ZDHHC3: variants seen among roughly 807,000 people sequenced by gnomAD.
The protein encoded by ZDHHC3 is zDHHC palmitoyltransferase 3, also known as palmitoyltransferase ZDHHC3.
In ZDHHC3, 9 loss-of-function variants were observed where a neutral mutation model predicts 30.6. The observed-to-expected ratio is 0.29, with a 90% CI of 0.18 to 0.51. ZDHHC3 has a LOEUF of 0.51. ZDHHC3 is among the 20% of genes least tolerant of loss of function. The probability of loss-of-function intolerance (pLI) is 0.97; values close to 1 mark genes in which losing one functional copy is unlikely to be tolerated. For synonymous variants in ZDHHC3, 136 were observed against 140.2 expected (o/e 0.97, Z 0.21); for missense variants, 246 against 384.2 (o/e 0.64, Z 3.01).
intron 3 of ZDHHC3, among the ~76,000 whole-genome samples, chr3:44,942,285 GC>G (rs1231589128): frequency 6.6e-6 from 1 of 152,222 alleles, no homozygotes; most frequent in African/African-American, 2.4e-5. Context: ...TGGAGATTCT[GC>G]TTATCCAAAA....
chr3:44,946,849 C>T (rs1575858902), intron 2 of ZDHHC3, among the ~76,000 whole-genome samples: 2 of 152,116 alleles, frequency 1.3e-5, no homozygotes, highest in African/African-American at 2.4e-5. Context: ...CCATGTGGTG[C>T]GCTGAATACC....
chr3:44,918,240 G>C lies in ZDHHC3; in HGVS notation c.*8449C>G, dbSNP rs955257070. ...GCTATAGCATAGCAGTGGCGGGGGG[G>C]GGGGCGGGGTGTCCACGGCATGGGT... On this transcript the variant is annotated 3_prime_UTR_variant, in exon 7 of 7. Coordinates refer to ENST00000424952, the MANE Select transcript of ZDHHC3 (RefSeq NM_001135179.2). 40 of 1,218,062 alleles carry C rather than the reference G, an allele frequency of 3.3e-5. No individual in the cohort carries two copies. The highest frequency in any genetic ancestry group is 6.3e-5 in the African/African-American group (4 of 63,694). 75.5% of individuals were successfully genotyped at this position (1,218,062 alleles called of 1,614,324 possible).
chr3:44,971,773 C>G (rs138742612), intron 1 of ZDHHC3, among the ~76,000 whole-genome samples: 90 of 152,192 alleles, frequency 5.9e-4, no homozygotes, highest in Non-Finnish European at 8.7e-4. Flanking sequence ...CCATGTATTA[C>G]TAGCAATTTT....
Position 44,917,269 on chromosome 3 carries a change from C to CGTA in ZDHHC3, c.*9419_*9420insTAC. 1.3e-5 allele frequency: 2 copies of CGTA among 155,674 alleles called. No individual in the cohort carries two copies. Among genetic ancestry groups the CGTA allele is most frequent in the Admixed American group, 6.1e-5 (1 of 16,350 alleles). 9.6% of individuals were successfully genotyped at this position (155,674 alleles called of 1,614,324 possible). A position where few individuals can be genotyped will look rare whatever the true frequency, so the allele number is the denominator to read the frequency against. On this transcript the variant is annotated 3_prime_UTR_variant, in exon 7 of 7. Transcript: ENST00000424952. ...TGTGTGTAGAGCTTAATGCAGGGTCCTCTTTGAACCATGCCTGGCCCTTGC... is the reference window on the plus strand; with the variant it reads ...TGTGTGTAGAGCTTAATGCAGGGTCCGTATCTTTGAACCATGCCTGGCCCTTGC...
Position 44,920,086 on chromosome 3 carries a change from T to C in ZDHHC3, c.*6603A>G, listed in dbSNP as rs1700485606. ...AGGATTTGTATTTATTTCTGTAGAC[T>C]TCTCACACAATCCAAGTTTTACCAA... On this transcript the variant is annotated 3_prime_UTR_variant, in exon 7 of 7. Coordinates refer to ENST00000424952, the MANE Select transcript of ZDHHC3 (RefSeq NM_001135179.2). 8.3e-7 allele frequency: 1 copy of C among 1,202,814 alleles called. No individual in the cohort carries two copies. Among genetic ancestry groups the C allele is most frequent in the Admixed American group, 3.2e-5 (1 of 31,498 alleles). 74.5% of individuals were successfully genotyped at this position (1,202,814 alleles called of 1,614,324 possible).
intron 3 of ZDHHC3, among the ~76,000 whole-genome samples, chr3:44,940,368 C>T (rs943885471): frequency 2.0e-5 from 3 of 152,206 alleles, no homozygotes; most frequent in Non-Finnish European, 2.9e-5. Flanking sequence ...CCATCTTCCC[C>T]GTTTTGGCTG....
intron 6 of ZDHHC3, among the ~76,000 whole-genome samples, chr3:44,927,515 G>A (rs911472718): frequency 6.6e-6 from 1 of 152,210 alleles, no homozygotes; most frequent in Non-Finnish European, 1.5e-5. Flanking sequence ...GAGGAAGGAG[G>A]AGGGATTAGT....
intron 3 of ZDHHC3, among the ~76,000 whole-genome samples, chr3:44,943,654 A>T (rs920951260): frequency 6.6e-6 from 1 of 152,164 alleles, no homozygotes; most frequent in African/African-American, 2.4e-5. Context: ...ACCCAAACAC[A>T]TACCCTCTGA....
chr3:44,974,461 G>C (rs1041700538), intron 1 of ZDHHC3, among the ~76,000 whole-genome samples: 6 of 152,148 alleles, frequency 3.9e-5, no homozygotes, highest in African/African-American at 1.4e-4. Flanking sequence ...TCCTTTCTGA[G>C]CAATCTCTAG....
intron 6 of ZDHHC3, among the ~76,000 whole-genome samples, chr3:44,927,607 G>A (rs1701108993): frequency 6.6e-6 from 1 of 152,248 alleles, no homozygotes. Flanking sequence ...GGAGAAGCAT[G>A]GCGCAGACCT....
chr3:44,954,235 A>G (rs1703729114), intron 2 of ZDHHC3, among the ~76,000 whole-genome samples: 1 of 152,096 alleles, frequency 6.6e-6, no homozygotes, highest in South Asian at 2.1e-4. Context: ...AGACAGACGA[A>G]TTTTCTTTTC....
chr3:44,955,133 C>G (rs992172146), intron 2 of ZDHHC3, among the ~76,000 whole-genome samples: 10 of 152,214 alleles, frequency 6.6e-5, no homozygotes, highest in Admixed American at 1.3e-4. Flanking sequence ...TGCCTCCAGG[C>G]CAGCCTGCCT....
rs529573918 is a variant in ZDHHC3 at position 44,937,369 on chromosome 3, G to C, written c.432-3385C>G. On this transcript the variant is annotated intron_variant, in intron 3 of 6. Coordinates refer to ENST00000424952, the MANE Select transcript of ZDHHC3 (RefSeq NM_001135179.2). Reference sequence around the variant, plus strand: ...TGAGGCGGGAGAATCGCTTGAGCCTGGGGTGGGGAGAGGAGACGGCAGTGA... The same window carrying C: ...TGAGGCGGGAGAATCGCTTGAGCCTCGGGTGGGGAGAGGAGACGGCAGTGA... 1.2e-3 allele frequency among the ~76,000 whole-genome samples: 175 copies of C among 151,812 alleles called. 1 individual carries two copies. The highest frequency in any genetic ancestry group is 3.8e-3 in the African/African-American group (159 of 41,400).
intron 2 of ZDHHC3, among the ~76,000 whole-genome samples, chr3:44,948,643 G>C (rs4683013): frequency 0.51 from 77,101 of 152,076 alleles, 20,142 homozygotes; most frequent in East Asian, 0.88. Flanking sequence ...AGGGAGGCAA[G>C]AGGACTGAAA....
intron 3 of ZDHHC3, among the ~76,000 whole-genome samples, chr3:44,934,319 G>A (rs994800000): frequency 6.6e-6 from 1 of 152,090 alleles, no homozygotes; most frequent in Non-Finnish European, 1.5e-5. Context: ...GAAAAAGAAT[G>A]AAGCAGTTTC....
chr3:44,933,950 G>C lies in ZDHHC3; in HGVS notation c.466C>G (p.His156Asp). The change falls in exon 4 of 7, where the codon CAC (histidine) becomes GAC (aspartate). Residue 156 changes from histidine to aspartate, a missense_variant. Transcript: ENST00000424952. Reference sequence around the variant, plus strand: ...ACACAGTTGTTGACCCAGGGACAGTGGTGGTCCATCTTCCGAATGCACCGC... The same window carrying C: ...ACACAGTTGTTGACCCAGGGACAGTCGTGGTCCATCTTCCGAATGCACCGC... ...CKRCIRKMDHHCPWVNNCVGE... is the reference protein window; with the variant it reads ...CKRCIRKMDHDCPWVNNCVGE... 6.2e-7 allele frequency: 1 copy of C among 1,614,188 alleles called. No individual in the cohort carries two copies. The highest frequency in any genetic ancestry group is 8.5e-7 in the Non-Finnish European group (1 of 1,180,040).
At chr3:44,955,625 C>A (rs1215273306) in intron 2 of ZDHHC3, among the ~76,000 whole-genome samples, 8 of 152,130 alleles carry the variant, frequency 5.3e-5, no homozygotes, top group African/African-American at 1.9e-4. Flanking sequence ...CATTAGGGAA[C>A]TCCTTAGAAC....
intron 1 of ZDHHC3, among the ~76,000 whole-genome samples, chr3:44,963,046 G>A (rs1282255164): frequency 6.6e-6 from 1 of 152,204 alleles, no homozygotes; most frequent in Non-Finnish European, 1.5e-5. Flanking sequence ...ATGAATGCAT[G>A]AGATTTGTGA....
chr3:44,969,775 C>T (rs958980667), intron 1 of ZDHHC3: 5 of 152,332 alleles, frequency 3.3e-5, no homozygotes, highest in African/African-American at 1.2e-4. Context: ...CTGCCCTAAC[C>T]TAGGAGGCAG....
Sources: gnomAD v4.1 joint callset for allele counts (sites outside exome capture counted in the v4.1 genomes callset) on GRCh38, gnomAD v4.1.1 for gene constraint, MANE v1.5 for transcripts, NCBI Gene and HGNC (gene_info 2026-07-23, HGNC 2026-07-21) for gene names.